TG: variants seen among roughly 807,000 people sequenced by gnomAD.
The protein encoded by TG is thyroid hormones.
TG carries 270 observed loss-of-function variants against 324.7 expected under a neutral mutation model. That is an observed-to-expected ratio of 0.83 (90% CI 0.75 to 0.92). The LOEUF (loss-of-function observed/expected upper bound fraction) is 0.92. Among genes scored for constraint, TG ranks in the 40% least tolerant of loss-of-function variants. The pLI is 0.00. For missense variants in TG, 3,591 were observed against 3,456.4 expected (o/e 1.04, Z -0.98); for synonymous variants, 1,401 against 1,327.0 (o/e 1.06, Z -1.21).
intron 35 of TG, among the ~76,000 whole-genome samples, chr8:133,011,074 A>C (rs1834464067): frequency 6.6e-6 from 1 of 152,194 alleles, no homozygotes; most frequent in African/African-American, 2.4e-5. Flanking sequence ...GCATGCAAGA[A>C]GCTTGGTGCA....
At chr8:132,938,925 G>A (rs368879220) in intron 25 of TG, among the ~76,000 whole-genome samples, 9 of 151,800 alleles carry the variant, frequency 5.9e-5, no homozygotes, top group African/African-American at 9.7e-5. Flanking sequence ...GGTGGCGGGC[G>A]CCTGTAGTCC....
chr8:132,980,823 A>G (rs942227741), intron 34 of TG, among the ~76,000 whole-genome samples: 26 of 152,278 alleles, frequency 1.7e-4, no homozygotes, highest in African/African-American at 5.8e-4. Context: ...AAATGTTGTG[A>G]GTAAAAATAG....
At chr8:133,113,716 T>G (rs945961686) in intron 44 of TG, 113 bp downstream of exon 44, 1 of 1,208,170 alleles carries the variant, frequency 8.3e-7, no homozygotes, top group African/African-American at 1.5e-5. Context: ...TGCTTGAGGT[T>G]TCCTCTGCAT....
In TG at chr8:132,972,569, G is replaced by GTTTTTTTTTTTTTTTTTTT; in HGVS notation, c.6056-23_6056-22insTTTTTTTTTTTTTTTTTTT. 3 of 1,457,942 alleles carry GTTTTTTTTTTTTTTTTTTT rather than the reference G, an allele frequency of 2.1e-6. 1 individual carries two copies. The highest frequency in any genetic ancestry group is 1.9e-6 in the Non-Finnish European group (2 of 1,064,854). The allele number at this position is 1,457,942 out of a possible 1,614,324, so 90.3% of individuals were successfully genotyped here. A position where few individuals can be genotyped will look rare whatever the true frequency, so the allele number is the denominator to read the frequency against. ...CATTGTACTCAGTTTCCTGATTGTG[G>GTTTTTTTTTTTTTTTTTTT]TTTTTTGTTTTTTTTTTTTCCACCC... is the stretch of plus-strand genomic sequence containing the variant. On this transcript the variant is annotated intron_variant, in intron 33 of 47. Coordinates refer to ENST00000220616, the MANE Select transcript of TG (RefSeq NM_003235.5).
At chr8:133,027,670 G>T (rs969707542) in intron 40 of TG, among the ~76,000 whole-genome samples, 8 of 152,200 alleles carry the variant, frequency 5.3e-5, no homozygotes, top group African/African-American at 1.7e-4. Context: ...GAAAGTTTCA[G>T]AAATAAAGCA....
chr8:132,917,525 G>A (rs1820511374), intron 20 of TG, among the ~76,000 whole-genome samples: 2 of 152,062 alleles, frequency 1.3e-5, no homozygotes, highest in Admixed American at 1.3e-4. Context: ...TTGTACAGCT[G>A]GGGAATGGGG....
intron 35 of TG, among the ~76,000 whole-genome samples, chr8:133,000,230 T>C (rs912879091): frequency 3.9e-5 from 6 of 152,126 alleles, no homozygotes; most frequent in Non-Finnish European, 7.4e-5. Context: ...TGCCCAGAGC[T>C]CCCTGATTTA....
chr8:133,130,691 A>G lies in TG; in HGVS notation c.7863-1121A>G, dbSNP rs531483573. Among the ~76,000 whole-genome samples the G allele has an allele frequency of 3.0e-4, 46 of 152,352 alleles. 1 individual carries two copies. The highest frequency in any genetic ancestry group is 1.0e-3 in the South Asian group (5 of 4,828). ...CGCAGACCACTCACCCTTTGATTTC[A>G]GTCCACTAAGATCGATCCTGGATTT... On this transcript the variant is annotated intron_variant, in intron 45 of 47. Coordinates refer to ENST00000220616, the MANE Select transcript of TG (RefSeq NM_003235.5).
chr8:133,086,595 G>T (rs111781949), intron 41 of TG, among the ~76,000 whole-genome samples: 2 of 152,148 alleles, frequency 1.3e-5, no homozygotes, highest in African/African-American at 4.8e-5. Context: ...TTTGCATAAG[G>T]AAATCATCAT....
At chr8:133,118,770 G>A (rs1448195988) in intron 45 of TG, among the ~76,000 whole-genome samples, 1 of 152,084 alleles carries the variant, frequency 6.6e-6, no homozygotes, top group East Asian at 1.9e-4. Flanking sequence ...CTGAATAGTG[G>A]CCCCCGAAAG....
chr8:132,907,859 T>G (rs1343150529), intron 17 of TG, among the ~76,000 whole-genome samples: 2 of 152,124 alleles, frequency 1.3e-5, no homozygotes, highest in Non-Finnish European at 2.9e-5. Context: ...ATGTCTATTC[T>G]TAACCTGAAA....
At chr8:132,956,397 G>T (rs1033555091) in intron 27 of TG, among the ~76,000 whole-genome samples, 1 of 152,150 alleles carries the variant, frequency 6.6e-6, no homozygotes, top group East Asian at 1.9e-4. Flanking sequence ...TAACTACCAG[G>T]CATGAGGGGA....
Position 132,919,380 on chromosome 8 carries a change from G to T in TG, c.4383G>T (p.Lys1461Asn). Residue 1461 changes from lysine to asparagine, a missense_variant, in exon 21 of 48, where the codon AAG (lysine) becomes AAT (asparagine). Coordinates refer to ENST00000220616, the MANE Select transcript of TG (RefSeq NM_003235.5). ...EASQDGLGCV[K>N]CPEGSYSQDE... ...CATTTCTCTGTTTTTTTCTAGTTAAGTGTCCTGAAGGAAGCTATTCCCAAG... is the reference window on the plus strand; with the variant it reads ...CATTTCTCTGTTTTTTTCTAGTTAATTGTCCTGAAGGAAGCTATTCCCAAG... 1 of 1,613,926 alleles carries T rather than the reference G, an allele frequency of 6.2e-7. No individual in the cohort carries two copies. Among genetic ancestry groups the T allele is most frequent in the Non-Finnish European group, 8.5e-7 (1 of 1,179,946 alleles).
At position 132,878,961 on chromosome 8, in the gene TG, C is replaced by T. The variant is rs191793312; in HGVS notation, c.639-2902C>T. The stretch of plus-strand genomic sequence containing the variant: ...CCAGCTTTCATCAGGGCTTTGGGTT[C>T]GGTCTCAGTAGTTTGACTTCTTTTG... On this transcript the variant is annotated intron_variant, in intron 5 of 47. Transcript: ENST00000220616. Among the ~76,000 whole-genome samples, 179 of 152,270 alleles carry T rather than the reference C, an allele frequency of 1.2e-3. 1 individual carries two copies. The highest frequency in any genetic ancestry group is 4.1e-3 in the African/African-American group (172 of 41,544).
chr8:132,943,643 A>G (rs1421464255), intron 26 of TG, among the ~76,000 whole-genome samples: 1 of 152,072 alleles, frequency 6.6e-6, no homozygotes, highest in East Asian at 1.9e-4. Flanking sequence ...ATGGCACCAC[A>G]GAGTCCATGA....
chr8:132,890,052 G>A (rs1010208270), intron 10 of TG, among the ~76,000 whole-genome samples: 74 of 152,082 alleles, frequency 4.9e-4, no homozygotes, highest in African/African-American at 1.7e-3. Flanking sequence ...AAAGTGCTGG[G>A]ATTACTTTAG....
Position 133,113,559 on chromosome 8 carries a change from G to A in TG, c.7710G>A (p.Thr2570=), listed in dbSNP as rs373654694. 17 of 1,614,142 alleles carry A rather than the reference G, an allele frequency of 1.1e-5. No homozygotes were observed. The highest frequency in any genetic ancestry group is 1.3e-5 in the African/African-American group (1 of 75,024). The part of the protein sequence containing the change: ...ATWYYSLEHS[T]DDYASFSRAL... The stretch of plus-strand genomic sequence containing the variant: ...GGTATTACTCTCTGGAGCACTCCAC[G>A]GATGACTATGCCTCCTTCTCCCGGG... Residue 2570 remains threonine, a synonymous_variant, in exon 44 of 48, where the codon ACG becomes ACA. Coordinates refer to ENST00000220616, the MANE Select transcript of TG (RefSeq NM_003235.5).
intron 1 of TG, 147 bp downstream of exon 1, chr8:132,867,214 A>C (rs1839015963): frequency 1.4e-6 from 1 of 735,010 alleles, no homozygotes; most frequent in Non-Finnish European, 2.3e-6. Flanking sequence ...TTTCAGATGA[A>C]GAGGCAGATT....
At chr8:133,038,434 G>A (rs1837478435) in intron 41 of TG, 1 of 1,005,290 alleles carries the variant, frequency 9.9e-7, no homozygotes, top group South Asian at 1.4e-5. Flanking sequence ...GAGGCTCCCA[G>A]GGATCAGGGA....
Sources: gnomAD v4.1 joint callset for allele counts (sites outside exome capture counted in the v4.1 genomes callset) on GRCh38, gnomAD v4.1.1 for gene constraint, MANE v1.5 for transcripts, NCBI Gene and HGNC (gene_info 2026-07-23, HGNC 2026-07-21) for gene names.